The following DIP2C variants were observed in gnomAD, a reference collection of about 807,000 sequenced individuals.
DIP2C encodes DIP2 acetate--CoA ligase C (putative), also known as disco-interacting protein 2 homolog C.
In DIP2C, 33 loss-of-function variants were observed where a neutral mutation model predicts 192.4. That is an observed-to-expected ratio of 0.17 (90% CI 0.13 to 0.23). The LOEUF (loss-of-function observed/expected upper bound fraction) is 0.23. Among genes scored for constraint, DIP2C ranks in the 10% least tolerant of loss-of-function variants. DIP2C has a pLI of 1.00. For missense variants in DIP2C, 1,537 were observed against 2,110.1 expected, an observed-to-expected ratio of 0.73 and a Z score of 5.32; for synonymous variants, 979 against 864.1, an observed-to-expected ratio of 1.13 and a Z score of -2.33.
chr10:679,833 T>G (rs1262368567), intron 1 of DIP2C, among the ~76,000 whole-genome samples: 1 of 152,188 alleles, frequency 6.6e-6, no homozygotes, highest in African/African-American at 2.4e-5. Context: ...TTCCACAGAT[T>G]TCCTCTGTAC....
At chr10:366,233 G>C in intron 19 of DIP2C, 42 bp downstream of exon 19, 1 of 1,604,724 alleles carries the variant, frequency 6.2e-7, no homozygotes, top group Non-Finnish European at 8.5e-7. Context: ...TTTGGAGACG[G>C]AGCCACAGAT....
intron 4 of DIP2C, among the ~76,000 whole-genome samples, chr10:430,959 A>G (rs1043459163): frequency 2.0e-5 from 3 of 152,182 alleles, no homozygotes; most frequent in Non-Finnish European, 2.9e-5. Flanking sequence ...TTCCAGTACC[A>G]TCTGTTAAAA....
intron 1 of DIP2C, among the ~76,000 whole-genome samples, chr10:575,559 G>A (rs907590304): frequency 6.6e-6 from 1 of 152,224 alleles, no homozygotes; most frequent in Non-Finnish European, 1.5e-5. Flanking sequence ...GCTTCTCCCT[G>A]CTATGGGCAC....
chr10:611,927 C>T (rs923087860), intron 1 of DIP2C, among the ~76,000 whole-genome samples: 5 of 152,202 alleles, frequency 3.3e-5, no homozygotes, highest in African/African-American at 1.2e-4. Flanking sequence ...GTGTCCGAAT[C>T]CCTGTCCAAG....
chr10:419,839 C>T lies in DIP2C; in HGVS notation c.605-640G>A, dbSNP rs923503886. On this transcript the variant is annotated intron_variant, in intron 5 of 36. Transcript: ENST00000280886. ...TTACACCCTAATGTGTACTAAGGAT[C>T]GTGTAAGGCCAATGAGCGCGTGGAG... Among the ~76,000 whole-genome samples the T allele has an allele frequency of 6.6e-5, 10 of 152,180 alleles. No individual in the cohort carries two copies. In the East Asian group the frequency reaches 1.2e-3, roughly 18 times the overall value.
chr10:608,935 ACC>A (rs910910209), intron 1 of DIP2C, among the ~76,000 whole-genome samples: 1 of 151,556 alleles, frequency 6.6e-6, no homozygotes, highest in Non-Finnish European at 1.5e-5. Flanking sequence ...TATACAAAGG[ACC>A]CCAACACATG....
At position 507,912 on chromosome 10, in the gene DIP2C, G is replaced by A. The variant is rs150266032; in HGVS notation, c.86-21382C>T. Among the ~76,000 whole-genome samples, 712 of 152,314 alleles carry A rather than the reference G, an allele frequency of 4.7e-3. 22 individuals are homozygous for A. The highest frequency in any genetic ancestry group is 0.041 in the Admixed American group (623 of 15,296). Reference sequence around the variant, plus strand: ...GAGGGGCCCAAGTTTTAAAAGACAGGAGAAGACTTTTCCACAATCTTTTTC... The same window carrying A: ...GAGGGGCCCAAGTTTTAAAAGACAGAAGAAGACTTTTCCACAATCTTTTTC... On this transcript the variant is annotated intron_variant, in intron 1 of 36. Transcript: ENST00000280886.
At chr10:357,050 G>A (rs1959115171) in intron 23 of DIP2C, among the ~76,000 whole-genome samples, 1 of 152,208 alleles carries the variant, frequency 6.6e-6, no homozygotes, top group Admixed American at 6.5e-5. Context: ...CACAGTAAAA[G>A]GGGCAGCCTT....
chr10:536,949 C>T (rs1210697106), intron 1 of DIP2C, among the ~76,000 whole-genome samples: 1 of 152,210 alleles, frequency 6.6e-6, no homozygotes, highest in African/African-American at 2.4e-5. Context: ...CCTGCCGTGA[C>T]ACCACCACCC....
chr10:277,639 G>A, intron 36 of DIP2C, 62 bp from the exon 37 acceptor site: 2 of 1,579,450 alleles, frequency 1.3e-6, no homozygotes, highest in South Asian at 1.2e-5. Context: ...AATAGCCGTG[G>A]TTTCAAAGTT....
chr10:321,179 T>C lies in DIP2C; in HGVS notation c.3924+5827A>G, dbSNP rs3125040. Among the ~76,000 whole-genome samples, 1,236 of 152,356 alleles carry C rather than the reference T, an allele frequency of 8.1e-3. 13 individuals carry two copies. Among genetic ancestry groups the C allele is most frequent in the African/African-American group, 0.028 (1,170 of 41,578 alleles). ...GTCTCTGTACACCTGTAATGTTTCC[T>C]GTGTCAGGTATGTTCTAAAAAGTGC... On this transcript the variant is annotated intron_variant, in intron 31 of 36. Transcript: ENST00000280886.
intron 1 of DIP2C, among the ~76,000 whole-genome samples, chr10:514,121 A>G (rs2130786256): frequency 6.6e-6 from 1 of 152,246 alleles, no homozygotes; most frequent in South Asian, 2.1e-4. Context: ...CCTCGGGGGG[A>G]CAGAGGCTTC....
At chr10:576,409 T>C (rs1341084500) in intron 1 of DIP2C, among the ~76,000 whole-genome samples, 1 of 152,230 alleles carries the variant, frequency 6.6e-6, no homozygotes, top group Non-Finnish European at 1.5e-5. Flanking sequence ...GTCTCAGCCA[T>C]GGGACAGCAG....
chr10:560,264 G>A (rs1163842531), intron 1 of DIP2C, among the ~76,000 whole-genome samples: 1 of 152,178 alleles, frequency 6.6e-6, no homozygotes, highest in Admixed American at 6.5e-5. Context: ...GGACAGGATG[G>A]AGGAGTCACA....
chr10:679,085 G>C (rs887575368), intron 1 of DIP2C, among the ~76,000 whole-genome samples: 1 of 5,104 alleles, frequency 2.0e-4, no homozygotes, highest in African/African-American at 2.4e-4. Context: ...CCCCACACCC[G>C]TGCTCCCCGC....
rs988998149 is a variant in DIP2C, at chr10:575,008, G to A, written c.86-88478C>T. 5.3e-5 allele frequency among the ~76,000 whole-genome samples: 8 copies of A among 152,246 alleles called. 1 individual carries two copies. Among genetic ancestry groups the A allele is most frequent in the Middle Eastern group, 6.8e-3 (2 of 294 alleles). On this transcript the variant is annotated intron_variant, in intron 1 of 36. Transcript: ENST00000280886. ...ACGAGACAGCAGAGGGAAGACCCAC[G>A]AAAGGCCTAGGAGATGCCAGGCGCT...
intron 1 of DIP2C, among the ~76,000 whole-genome samples, chr10:681,000 A>G (rs1299612240): frequency 1.3e-5 from 2 of 151,490 alleles, no homozygotes; most frequent in Non-Finnish European, 3.0e-5. Context: ...CGGCCACGGA[A>G]ATTCCAAGGA....
intron 1 of DIP2C, among the ~76,000 whole-genome samples, chr10:575,262 C>T (rs1241342709): frequency 6.6e-6 from 1 of 152,192 alleles, no homozygotes; most frequent in East Asian, 1.9e-4. Flanking sequence ...ACACATAAAA[C>T]ACTGGTATCG....
chr10:647,885 C>T lies in DIP2C; in HGVS notation c.85+41609G>A, dbSNP rs568116842. ...GAACAGAGGGAAACTGAGTCCACGT[C>T]GACATTGGATGGTGGGAGAGAACAG... On this transcript the variant is annotated intron_variant, in intron 1 of 36. Transcript: ENST00000280886. Among the ~76,000 whole-genome samples the T allele has an allele frequency of 2.4e-3, 355 of 148,964 alleles. 1 individual carries two copies. Among genetic ancestry groups the T allele is most frequent in the African/African-American group, 8.2e-3 (329 of 40,066 alleles).
Sources: gnomAD v4.1 joint callset for allele counts (sites outside exome capture counted in the v4.1 genomes callset) on GRCh38, gnomAD v4.1.1 for gene constraint, MANE v1.5 for transcripts, NCBI Gene and HGNC (gene_info 2026-07-23, HGNC 2026-07-21) for gene names.